The following DMD variants were observed in gnomAD, a reference collection of about 807,000 sequenced individuals.
DMD encodes mutant dystrophin.
DMD carries 63 observed loss-of-function variants against 330.1 expected under a neutral mutation model. That is an observed-to-expected ratio of 0.19 (90% CI 0.16 to 0.24). The LOEUF (loss-of-function observed/expected upper bound fraction) is 0.24. DMD is among the 10% of genes least tolerant of loss of function. DMD has a pLI of 1.00. For synonymous variants in DMD, 1,223 were observed against 959.8 expected (o/e 1.27, Z -5.07); for missense variants, 3,344 against 2,684.1 (o/e 1.25, Z -5.43).
intron 44 of DMD, among the ~76,000 whole-genome samples, chrX:32,061,521 C>T (rs777781065): frequency 1.8e-5 from 2 of 111,424 alleles, no homozygotes; most frequent in Non-Finnish European, 1.9e-5. Flanking sequence ...ACAAGCATAT[C>T]GGCCATTCCT....
chrX:32,851,765 G>A (rs945326969), intron 2 of DMD, among the ~76,000 whole-genome samples: 4 of 112,056 alleles, frequency 3.6e-5, no homozygotes, highest in African/African-American at 1.3e-4. Flanking sequence ...GCGCAGGATT[G>A]TGAAACGTTG....
At chrX:33,190,046 C>T (rs1415149292) in intron 1 of DMD, among the ~76,000 whole-genome samples, 2 of 111,586 alleles carry the variant, frequency 1.8e-5, no homozygotes, top group Non-Finnish European at 3.8e-5. Context: ...AAAGGAATTG[C>T]AAATATTCTA....
At chrX:31,677,097 A>C (rs1036402458) in intron 53 of DMD, among the ~76,000 whole-genome samples, 62 of 111,202 alleles carry the variant, frequency 5.6e-4, no homozygotes, top group African/African-American at 1.9e-3. Flanking sequence ...AAAGTTTGAC[A>C]AAGGATAGCA....
intron 7 of DMD, among the ~76,000 whole-genome samples, chrX:32,775,378 C>A (rs1051319096): frequency 5.3e-5 from 6 of 112,839 alleles, no homozygotes; most frequent in African/African-American, 1.9e-4. Flanking sequence ...TTCCCCCCTG[C>A]ATTGCCCTAG....
chrX:31,705,885 G>A lies in DMD; in HGVS notation c.7660+23746C>T, dbSNP rs139327930. On this transcript the variant is annotated intron_variant, in intron 52 of 78. Transcript: ENST00000357033. ...GAATAACTGAAGCCATGAGGGTAAA[G>A]AACAAGGGCAAAGCCTTGGGAATGG... is the stretch of plus-strand genomic sequence containing the variant. Among the ~76,000 whole-genome samples, 1,001 of 111,922 alleles carry A rather than the reference G, an allele frequency of 8.9e-3. 19 individuals carry two copies. Among genetic ancestry groups the A allele is most frequent in the African/African-American group, 0.031 (946 of 30,848 alleles).
intron 52 of DMD, among the ~76,000 whole-genome samples, chrX:31,711,358 C>A (rs1015613948): frequency 8.9e-6 from 1 of 112,012 alleles, no homozygotes; most frequent in Non-Finnish European, 1.9e-5. Flanking sequence ...TGGAAACACT[C>A]GATTTGACAC....
chrX:31,430,312 A>G (rs764468269), intron 60 of DMD, among the ~76,000 whole-genome samples: 6 of 111,334 alleles, frequency 5.4e-5, no homozygotes, highest in Admixed American at 3.8e-4. Context: ...TCTTCCCCAC[A>G]CCCTGGGGAT....
At chrX:33,180,025 G>A (rs1431733978) in intron 1 of DMD, among the ~76,000 whole-genome samples, 1 of 109,890 alleles carries the variant, frequency 9.1e-6, no homozygotes, top group Non-Finnish European at 1.9e-5. Flanking sequence ...TAGTAGAGAT[G>A]GGGTTTCACC....
At chrX:31,235,228 G>A (rs1288372368) in intron 63 of DMD, among the ~76,000 whole-genome samples, 2 of 111,554 alleles carry the variant, frequency 1.8e-5, no homozygotes, top group Middle Eastern at 4.2e-3. Context: ...ATAGACCATC[G>A]TGCAGTTTAT....
At chrX:33,203,827 T>C (rs2051414970) in intron 1 of DMD, among the ~76,000 whole-genome samples, 1 of 110,703 alleles carries the variant, frequency 9.0e-6, no homozygotes, top group Admixed American at 9.7e-5. Context: ...TACATAAAAA[T>C]ACAAAACAAA....
At chrX:31,390,264 A>G (rs2060630672) in intron 60 of DMD, among the ~76,000 whole-genome samples, 1 of 108,767 alleles carries the variant, frequency 9.2e-6, no homozygotes, top group African/African-American at 3.3e-5. Context: ...CCTCTGCTTG[A>G]CTTCTTTTTC....
chrX:32,832,870 A>C (rs1284668373), intron 4 of DMD, among the ~76,000 whole-genome samples: 1 of 111,530 alleles, frequency 9.0e-6, no homozygotes, highest in African/African-American at 3.2e-5. Flanking sequence ...CTGGATTTCC[A>C]ATGACAGCTT....
chrX:31,450,372 G>A (rs1442818114), intron 59 of DMD, among the ~76,000 whole-genome samples: 1 of 112,045 alleles, frequency 8.9e-6, no homozygotes, highest in African/African-American at 3.2e-5. Flanking sequence ...GGGGCCAAGA[G>A]AGTCAAGGAC....
intron 62 of DMD, among the ~76,000 whole-genome samples, chrX:31,279,944 T>G (rs2052489825): frequency 8.9e-6 from 1 of 112,792 alleles, no homozygotes; most frequent in Non-Finnish European, 1.9e-5. Flanking sequence ...ACAAAGCCTA[T>G]AGTGTTTACT....
intron 44 of DMD, among the ~76,000 whole-genome samples, chrX:32,025,853 TC>T (rs1349823124): frequency 8.9e-6 from 1 of 111,744 alleles, no homozygotes; most frequent in Non-Finnish European, 1.9e-5. Context: ...ATGACAGTTG[TC>T]CACCAAACCA....
At chrX:31,717,951 G>T (rs1031557917) in intron 52 of DMD, among the ~76,000 whole-genome samples, 8 of 111,454 alleles carry the variant, frequency 7.2e-5, no homozygotes, top group African/African-American at 2.6e-4. Flanking sequence ...GTATGAAAGA[G>T]AAAAATCTGA....
At chrX:31,886,514 G>T (rs1569497628) in intron 47 of DMD, among the ~76,000 whole-genome samples, 1 of 112,049 alleles carries the variant, frequency 8.9e-6, no homozygotes, top group African/African-American at 3.2e-5. Context: ...ATTTAGGAAA[G>T]AACTATAACT....
At chrX:33,272,232 A>T (rs1054107858) in intron 1 of DMD, among the ~76,000 whole-genome samples, 1 of 112,235 alleles carries the variant, frequency 8.9e-6, no homozygotes, top group Admixed American at 9.5e-5. Flanking sequence ...ATGACATCTT[A>T]TATGCATATA....
At chrX:31,620,764 C>T (rs1041356703) in intron 55 of DMD, among the ~76,000 whole-genome samples, 1 of 111,114 alleles carries the variant, frequency 9.0e-6, no homozygotes, top group African/African-American at 3.3e-5. Context: ...GCCTTTTTCA[C>T]AATTAGTTTA....
Sources: allele counts gnomAD v4.1 joint callset (sites outside exome capture counted in the v4.1 genomes callset), GRCh38; gene constraint gnomAD v4.1.1; transcripts MANE v1.5; gene names NCBI Gene and HGNC (gene_info 2026-07-23, HGNC 2026-07-21).